Variants in KBTBD3 observed in about 807,000 individuals in gnomAD.
KBTBD3 encodes kelch repeat and BTB domain containing 3.
Under a neutral mutation model 49.6 loss-of-function variants are expected in KBTBD3, and 38 were observed. That is an observed-to-expected ratio of 0.77 (90% CI 0.59 to 1.00). KBTBD3 has a LOEUF of 1.00. Among genes scored for constraint, KBTBD3 ranks in the 50% least tolerant of loss-of-function variants. The pLI, the probability that KBTBD3 is intolerant of heterozygous loss-of-function variation, is 0.00. For missense variants in KBTBD3, 661 were observed against 712.0 expected (o/e 0.93, Z 0.81); for synonymous variants, 214 against 250.4 (o/e 0.85, Z 1.37).
chr11:106,064,428 C>A (rs1860764282), intron 2 of KBTBD3, among the ~76,000 whole-genome samples: 1 of 151,442 alleles, frequency 6.6e-6, no homozygotes, highest in Admixed American at 6.6e-5. Flanking sequence ...GCCTGTAATC[C>A]CAGCTACTCG....
intron 3 of KBTBD3, among the ~76,000 whole-genome samples, chr11:106,056,605 G>A (rs1253803833): frequency 6.6e-6 from 1 of 152,182 alleles, no homozygotes; most frequent in Non-Finnish European, 1.5e-5. Context: ...TAGGTACGGT[G>A]CTAATTATCA....
At chr11:106,074,147 C>T (rs1392598618) in intron 2 of KBTBD3, among the ~76,000 whole-genome samples, 1 of 148,112 alleles carries the variant, frequency 6.8e-6, no homozygotes, top group East Asian at 2.1e-4. Context: ...CCTTCTCATA[C>T]ATTAAGAGCT....
chr11:106,066,190 GAAC>G (rs1446306957), intron 2 of KBTBD3, among the ~76,000 whole-genome samples: 13 of 152,242 alleles, frequency 8.5e-5, no homozygotes, highest in African/African-American at 2.9e-4. Context: ...ATAAATTGGA[GAAC>G]AATACTATAC....
chr11:106,071,616 T>TAGG (rs2135022830), intron 2 of KBTBD3, among the ~76,000 whole-genome samples: 1 of 152,298 alleles, frequency 6.6e-6, no homozygotes, highest in East Asian at 1.9e-4. Flanking sequence ...CTATACAGAA[T>TAGG]GACAAATCTA....
chr11:106,066,743 A>C (rs1000810212), intron 2 of KBTBD3, among the ~76,000 whole-genome samples: 3 of 151,864 alleles, frequency 2.0e-5, no homozygotes, highest in Non-Finnish European at 4.4e-5. Flanking sequence ...TAAAAAAAAA[A>C]AAAACAAAAA....
At chr11:106,058,389 A>AG (rs1470918382) in intron 3 of KBTBD3, among the ~76,000 whole-genome samples, 2 of 151,520 alleles carry the variant, frequency 1.3e-5, no homozygotes, top group African/African-American at 4.9e-5. Flanking sequence ...TAAAAAAAAA[A>AG]AAAAATCATT....
In KBTBD3 at chr11:106,053,038, C is replaced by T; in HGVS notation, c.1651G>A (p.Asp551Asn). The T allele has an allele frequency of 6.2e-7, 1 of 1,613,582 alleles. No homozygotes were observed. Among genetic ancestry groups the T allele is most frequent in the Non-Finnish European group, 8.5e-7 (1 of 1,179,702 alleles). The change falls in exon 4 of 4, where the codon GAT (aspartate) becomes AAT (asparagine). Residue 551 changes from aspartate to asparagine, a missense_variant. Transcript: ENST00000531837. ...GFNAGAIGIE[D>N]KIYILGGDYA... ...TCACCACCTAATATATAAATTTTAT[C>T]TTCAATTCCAATTGCACCTGCATTA...
chr11:106,063,961 G>A (rs934497124), intron 2 of KBTBD3, among the ~76,000 whole-genome samples: 10 of 152,096 alleles, frequency 6.6e-5, no homozygotes, highest in Admixed American at 5.9e-4. Context: ...TATAATGTGT[G>A]TAAAATAAGT....
At chr11:106,059,420 ATAT>A (rs1860635890) in intron 2 of KBTBD3, among the ~76,000 whole-genome samples, 1 of 152,210 alleles carries the variant, frequency 6.6e-6, no homozygotes, top group Non-Finnish European at 1.5e-5. Context: ...TACATGATTA[ATAT>A]TATTACTATA....
At chr11:106,073,240 G>A (rs377124234) in intron 2 of KBTBD3, among the ~76,000 whole-genome samples, 52 of 148,880 alleles carry the variant, frequency 3.5e-4, no homozygotes, top group African/African-American at 1.1e-3. Flanking sequence ...ATTTACAGGC[G>A]TGCATTAGCA....
chr11:106,069,107 C>T (rs1860868294), intron 2 of KBTBD3, among the ~76,000 whole-genome samples: 1 of 152,056 alleles, frequency 6.6e-6, no homozygotes, highest in Admixed American at 6.5e-5. Flanking sequence ...TAACATTATG[C>T]TAAATTATGG....
chr11:106,075,412 T>C (rs543433143), intron 2 of KBTBD3: 6 of 152,346 alleles, frequency 3.9e-5, no homozygotes, highest in South Asian at 4.1e-4. Flanking sequence ...TACTCATGTA[T>C]ACTATTTGTA....
Position 106,053,341 on chromosome 11 carries a change from T to TTGCTTCTGGATAGTATA in KBTBD3, c.1331_1347dup (p.Ser450TyrfsTer12). 11 of 1,613,414 alleles carry TTGCTTCTGGATAGTATA rather than the reference T, an allele frequency of 6.8e-6. No individual in the cohort carries two copies. Among genetic ancestry groups the TTGCTTCTGGATAGTATA allele is most frequent in the Non-Finnish European group, 9.3e-6 (11 of 1,179,828 alleles). On this transcript the variant is annotated frameshift_variant, in exon 4 of 4. Coordinates refer to ENST00000531837, the MANE Select transcript of KBTBD3 (RefSeq NM_198439.3). LOFTEE classifies it high-confidence loss of function. ...ACATAAATTACATTTTGGCATGTGC[T>TTGCTTCTGGATAGTATA]TGCTTCTGGATAGTATATGCCTCTG...
intron 3 of KBTBD3, among the ~76,000 whole-genome samples, chr11:106,058,445 G>A (rs190559641): frequency 6.6e-6 from 1 of 151,268 alleles, no homozygotes; most frequent in Non-Finnish European, 1.5e-5. Flanking sequence ...GTTTTTTTGA[G>A]ATGGAGTCTC....
chr11:106,059,204 C>A (rs1032215673), intron 2 of KBTBD3, 95 bp from the exon 3 acceptor site: 2 of 614,432 alleles, frequency 3.3e-6, no homozygotes, highest in South Asian at 4.2e-5. Context: ...ACAAAAATAA[C>A]CACTAAGAAA....
chr11:106,065,313 G>T (rs1860787766), intron 2 of KBTBD3, among the ~76,000 whole-genome samples: 1 of 152,088 alleles, frequency 6.6e-6, no homozygotes. Context: ...GCCTGTTTTT[G>T]TTCTATACAT....
Position 106,053,657 on chromosome 11 carries a change from T to C in KBTBD3, c.1032A>G (p.Ile344Met), listed in dbSNP as rs917546230. The C allele has an allele frequency of 6.2e-7, 1 of 1,613,888 alleles. No individual in the cohort carries two copies. Among genetic ancestry groups the C allele is most frequent in the Non-Finnish European group, 8.5e-7 (1 of 1,179,910 alleles). Reference protein sequence around the residue: ...GSSLSSYGEKIFLTGGCKGKC... With the variant: ...GSSLSSYGEKMFLTGGCKGKC... Reference sequence around the variant, plus strand: ...TCCCTTTGCAACCACCTGTCAAGAATATTTTCTCTCCGTAACTCGAAAGAC... The same window carrying C: ...TCCCTTTGCAACCACCTGTCAAGAACATTTTCTCTCCGTAACTCGAAAGAC... The change falls in exon 4 of 4, where the codon ATA becomes ATG. Residue 344 changes from isoleucine (I) to methionine (M), a missense_variant. Coordinates refer to ENST00000531837, the MANE Select transcript of KBTBD3 (RefSeq NM_198439.3).
intron 2 of KBTBD3, among the ~76,000 whole-genome samples, chr11:106,060,029 G>A (rs1462050053): frequency 6.6e-6 from 1 of 152,140 alleles, no homozygotes; most frequent in Non-Finnish European, 1.5e-5. Flanking sequence ...CAGGCAAATG[G>A]CAGCTGTGGC....
At chr11:106,073,276 T>TTC (rs1407341496) in intron 2 of KBTBD3, among the ~76,000 whole-genome samples, 1 of 149,774 alleles carries the variant, frequency 6.7e-6, no homozygotes, top group Non-Finnish European at 1.5e-5. Context: ...TTTTTTTTTT[T>TTC]TTTAATTTAG....
Sources: allele counts gnomAD v4.1 joint callset (sites outside exome capture counted in the v4.1 genomes callset), GRCh38; gene constraint gnomAD v4.1.1; transcripts MANE v1.5; gene names NCBI Gene and HGNC (gene_info 2026-07-23, HGNC 2026-07-21).